The following SEMA5A variants were observed in gnomAD, a reference collection of about 807,000 sequenced individuals.
SEMA5A encodes the protein semaphorin 5A.
In SEMA5A, 55 loss-of-function variants were observed where a neutral mutation model predicts 135.5. The observed-to-expected ratio is 0.41, with a 90% CI of 0.33 to 0.51. SEMA5A has a LOEUF of 0.51. Among genes scored for constraint, SEMA5A ranks in the 20% least tolerant of loss-of-function variants. The pLI is 0.37. For missense variants in SEMA5A, 1,290 were observed against 1,419.9 expected (o/e 0.91, Z 1.47); for synonymous variants, 580 against 546.5 (o/e 1.06, Z -0.85).
intron 9 of SEMA5A, among the ~76,000 whole-genome samples, chr5:9,198,526 A>G (rs1200034453): frequency 6.6e-6 from 1 of 152,128 alleles, no homozygotes; most frequent in Non-Finnish European, 1.5e-5. Context: ...ACTTCAGGAG[A>G]GCAGACAGTA....
At chr5:9,318,559 C>T in intron 4 of SEMA5A, 142 bp from the exon 5 acceptor site, 1 of 662,186 alleles carries the variant, frequency 1.5e-6, no homozygotes, top group East Asian at 2.8e-5. Flanking sequence ...GCACTACTTT[C>T]CTTGGATCTT....
At chr5:9,252,173 G>C (rs537661550) in intron 5 of SEMA5A, among the ~76,000 whole-genome samples, 3 of 152,298 alleles carry the variant, frequency 2.0e-5, no homozygotes, top group African/African-American at 7.2e-5. Flanking sequence ...GCTTTTGAAA[G>C]GCCCTTGGTG....
intron 4 of SEMA5A, among the ~76,000 whole-genome samples, chr5:9,331,832 G>C (rs1002110016): frequency 6.6e-5 from 10 of 152,180 alleles, no homozygotes; most frequent in Non-Finnish European, 1.0e-4. Context: ...AAAACAGCAA[G>C]TTAATCTTTC....
At chr5:9,467,960 A>G (rs1235511931) in intron 1 of SEMA5A, among the ~76,000 whole-genome samples, 1 of 152,236 alleles carries the variant, frequency 6.6e-6, no homozygotes, top group Non-Finnish European at 1.5e-5. Context: ...ACAACACCCC[A>G]GTGGGCTAGG....
rs577788440 is a variant in SEMA5A, at chr5:9,519,531, C to G, written c.-175+26053G>C. Among the ~76,000 whole-genome samples, 3 of 152,288 alleles carry G rather than the reference C, an allele frequency of 2.0e-5. No individual in the cohort carries two copies. The East Asian group carries it at 5.8e-4, about 29-fold the overall frequency. Reference sequence around the variant, plus strand: ...AATTTGGTGCTAATTCTCTAATTTGCTCATTTATTTTCTCTAACCACATAA... The same window carrying G: ...AATTTGGTGCTAATTCTCTAATTTGGTCATTTATTTTCTCTAACCACATAA... On this transcript the variant is annotated intron_variant, in intron 1 of 22. Coordinates refer to ENST00000382496, the MANE Select transcript of SEMA5A (RefSeq NM_003966.3).
At chr5:9,063,723 C>G (rs1187079430) in intron 17 of SEMA5A, among the ~76,000 whole-genome samples, 1 of 152,180 alleles carries the variant, frequency 6.6e-6, no homozygotes, top group African/African-American at 2.4e-5. Context: ...GTTTAGAGCA[C>G]ACTACCTAAC....
At chr5:9,133,480 G>A (rs1246691054) in intron 13 of SEMA5A, among the ~76,000 whole-genome samples, 3 of 152,022 alleles carry the variant, frequency 2.0e-5, no homozygotes, top group Admixed American at 1.3e-4. Context: ...ACATTGGGTG[G>A]GATGACAGAC....
rs1331693180 is a variant in SEMA5A, at chr5:9,036,640, C to A, written c.*6257G>T. ...CCTCTCTTCTGAGCATATGTTGTAC[C>A]TATTCTGGTTCTACATCCCCAGTGA... On this transcript the variant is annotated 3_prime_UTR_variant, in exon 23 of 23. Coordinates refer to ENST00000382496, the MANE Select transcript of SEMA5A (RefSeq NM_003966.3). 6.6e-6 allele frequency: 1 copy of A among 152,498 alleles called. No individual in the cohort carries two copies. The highest frequency in any genetic ancestry group is 1.5e-5 in the Non-Finnish European group (1 of 68,030). The allele number at this position is 152,498 out of a possible 1,614,324, so 9.4% of individuals were successfully genotyped here.
At chr5:9,440,642 C>T (rs147471614) in intron 1 of SEMA5A, among the ~76,000 whole-genome samples, 19 of 152,338 alleles carry the variant, frequency 1.2e-4, no homozygotes, top group African/African-American at 4.6e-4. Context: ...CTACACTCTT[C>T]AAATTGTCTC....
intron 8 of SEMA5A, among the ~76,000 whole-genome samples, chr5:9,224,167 C>A (rs565713178): frequency 1.3e-5 from 2 of 152,282 alleles, no homozygotes; most frequent in Non-Finnish European, 2.9e-5. Flanking sequence ...AATGAATAAA[C>A]CCTGAAGATG....
At chr5:9,235,529 G>C (rs1180324056) in intron 6 of SEMA5A, among the ~76,000 whole-genome samples, 1 of 152,046 alleles carries the variant, frequency 6.6e-6, no homozygotes, top group East Asian at 1.9e-4. Flanking sequence ...TCATTCAGTG[G>C]AACATCTTTA....
At chr5:9,227,826 AG>A (rs1747402034) in intron 6 of SEMA5A, among the ~76,000 whole-genome samples, 1 of 152,230 alleles carries the variant, frequency 6.6e-6, no homozygotes, top group African/African-American at 2.4e-5. Context: ...CTGGGATTAC[AG>A]GCGTGAGCCG....
intron 15 of SEMA5A, among the ~76,000 whole-genome samples, chr5:9,111,438 C>T (rs1378312245): frequency 3.9e-5 from 6 of 152,170 alleles, no homozygotes; most frequent in Admixed American, 6.5e-5. Context: ...CTGTTATTTG[C>T]TGACAGCAGG....
At chr5:9,407,864 C>CCACCAT (rs916854675) in intron 2 of SEMA5A, among the ~76,000 whole-genome samples, 7 of 152,044 alleles carry the variant, frequency 4.6e-5, no homozygotes, top group East Asian at 3.9e-4. Flanking sequence ...TCCTGCCTTA[C>CCACCAT]CACCATCACC....
chr5:9,297,169 T>TATACATATACATATGTATATACAC (rs1554016417), intron 5 of SEMA5A, among the ~76,000 whole-genome samples: 1 of 151,706 alleles, frequency 6.6e-6, no homozygotes, highest in Non-Finnish European at 1.5e-5. Flanking sequence ...TACATATATA[T>TATACATATACATATGTATATACAC]ATACATATAC....
At chr5:9,237,607 T>A (rs759368786) in intron 6 of SEMA5A, 26 of 378,408 alleles carry the variant, frequency 6.9e-5, no homozygotes, top group Middle Eastern at 1.3e-3. Context: ...TTAGCTCTGA[T>A]CTTCTTATGT....
chr5:9,437,019 C>T (rs1758056264), intron 2 of SEMA5A, among the ~76,000 whole-genome samples: 1 of 152,136 alleles, frequency 6.6e-6, no homozygotes, highest in Non-Finnish European at 1.5e-5. Flanking sequence ...GAGGCCTGAC[C>T]AGGAGGATCC....
At chr5:9,119,369 TAA>T (rs1740692518) in intron 14 of SEMA5A, among the ~76,000 whole-genome samples, 2 of 152,164 alleles carry the variant, frequency 1.3e-5, no homozygotes, top group South Asian at 4.1e-4. Context: ...AATTTGAGAA[TAA>T]AGTTTTAAGT....
chr5:9,438,229 G>T (rs1265908490), intron 1 of SEMA5A, among the ~76,000 whole-genome samples: 2 of 141,880 alleles, frequency 1.4e-5, no homozygotes, highest in African/African-American at 5.6e-5. Flanking sequence ...TCCTTTTCAT[G>T]ACTCATTCCA....
Sources: allele counts gnomAD v4.1 joint callset (sites outside exome capture counted in the v4.1 genomes callset), GRCh38; gene constraint gnomAD v4.1.1; transcripts MANE v1.5; gene names NCBI Gene and HGNC (gene_info 2026-07-23, HGNC 2026-07-21).